The following TANK variants were observed in gnomAD, a reference collection of about 807,000 sequenced individuals.
The protein encoded by TANK is TRAF family member-associated NF-kappa-B activator.
Under a neutral mutation model 43.6 loss-of-function variants are expected in TANK, and 15 were observed. That is an observed-to-expected ratio of 0.34 (90% CI 0.23 to 0.53). The LOEUF (loss-of-function observed/expected upper bound fraction) is 0.53, where lower values mean the gene tolerates loss of function less well. TANK is among the 20% of genes least tolerant of loss of function. The probability of loss-of-function intolerance (pLI) is 0.94; values close to 1 mark genes in which losing one functional copy is unlikely to be tolerated. For synonymous variants in TANK, 162 were observed against 178.2 expected (o/e 0.91, Z 0.73); for missense variants, 417 against 498.6 (o/e 0.84, Z 1.56).
At chr2:161,153,880 T>C (rs541098192) in intron 1 of TANK, among the ~76,000 whole-genome samples, 7 of 152,112 alleles carry the variant, frequency 4.6e-5, no homozygotes, top group Non-Finnish European at 1.0e-4. Flanking sequence ...TAAAGTCATA[T>C]GATTAGTAAA....
chr2:161,217,037 A>G (rs1687146494), intron 4 of TANK, among the ~76,000 whole-genome samples: 1 of 152,226 alleles, frequency 6.6e-6, no homozygotes, highest in Admixed American at 6.5e-5. Flanking sequence ...TGAAGTGCCC[A>G]GGAGTGCATT....
intron 1 of TANK, among the ~76,000 whole-genome samples, chr2:161,168,044 A>G (rs184190574): frequency 1.7e-4 from 26 of 152,180 alleles, no homozygotes; most frequent in Non-Finnish European, 2.6e-4. Flanking sequence ...GTTGAACTAT[A>G]GGGCATGAGT....
chr2:161,203,612 T>C lies in TANK; in HGVS notation c.208+17T>C, dbSNP rs1238352173. ...CCACTCAAGGTATGTTCATGTTAATTTTTTATGTATTTCTAGAACCTCTTG... is the reference window on the plus strand; with the variant it reads ...CCACTCAAGGTATGTTCATGTTAATCTTTTATGTATTTCTAGAACCTCTTG... On this transcript the variant is annotated intron_variant, in intron 3 of 7. Transcript: ENST00000392749. 1 of 1,517,244 alleles carries C rather than the reference T, an allele frequency of 6.6e-7. No homozygotes were observed. Among genetic ancestry groups the C allele is most frequent in the Non-Finnish European group, 9.1e-7 (1 of 1,103,460 alleles). 94.0% of individuals were successfully genotyped at this position (1,517,244 alleles called of 1,614,324 possible).
intron 1 of TANK, among the ~76,000 whole-genome samples, chr2:161,154,843 C>G (rs1684180863): frequency 6.6e-6 from 1 of 151,684 alleles, no homozygotes; most frequent in Non-Finnish European, 1.5e-5. Context: ...CTCCCAGGTG[C>G]AAATGATTCT....
intron 2 of TANK, among the ~76,000 whole-genome samples, chr2:161,183,784 T>C (rs938937462): frequency 3.9e-5 from 6 of 151,984 alleles, no homozygotes; most frequent in African/African-American, 1.2e-4. Context: ...TCCTAAGTAC[T>C]GGGCCCTTCA....
chr2:161,173,533 T>G (rs1428345191), intron 1 of TANK, among the ~76,000 whole-genome samples: 3 of 152,118 alleles, frequency 2.0e-5, no homozygotes, highest in Non-Finnish European at 4.4e-5. Flanking sequence ...TCTTTTTAGG[T>G]AGAACTGTGA....
chr2:161,185,339 CAGTTA>C (rs1661980111), intron 2 of TANK, among the ~76,000 whole-genome samples: 1 of 151,776 alleles, frequency 6.6e-6, no homozygotes, highest in African/African-American at 2.4e-5. Context: ...TTTATGAAGG[CAGTTA>C]AGTTGAGTGG....
intron 1 of TANK, among the ~76,000 whole-genome samples, chr2:161,152,605 G>C (rs768066660): frequency 4.6e-5 from 7 of 152,074 alleles, no homozygotes; most frequent in Non-Finnish European, 8.8e-5. Flanking sequence ...CTCAAAAATT[G>C]AGAGTATCTG....
intron 2 of TANK, among the ~76,000 whole-genome samples, chr2:161,201,533 G>A (rs184975863): frequency 6.6e-6 from 1 of 152,240 alleles, no homozygotes; most frequent in East Asian, 1.9e-4. Context: ...ACAGTATAAT[G>A]TATATACCTA....
chr2:161,212,259 C>G, intron 4 of TANK: 1 of 501,994 alleles, frequency 2.0e-6, no homozygotes, highest in Non-Finnish European at 2.6e-6. Flanking sequence ...CGGGGTTTCA[C>G]TATGTTGGCC....
intron 4 of TANK, among the ~76,000 whole-genome samples, chr2:161,206,873 C>A (rs746981030): frequency 6.6e-6 from 1 of 152,058 alleles, no homozygotes. Context: ...CATTACTTAA[C>A]TGCAAATTTA....
At chr2:161,154,087 G>C (rs1348687797) in intron 1 of TANK, among the ~76,000 whole-genome samples, 1 of 152,118 alleles carries the variant, frequency 6.6e-6, no homozygotes, top group East Asian at 1.9e-4. Context: ...TATGTATCTT[G>C]AAATTTCAAG....
intron 2 of TANK, among the ~76,000 whole-genome samples, chr2:161,202,638 C>T (rs1205876016): frequency 2.6e-5 from 4 of 151,972 alleles, no homozygotes; most frequent in African/African-American, 4.8e-5. Flanking sequence ...ACTTCATTTT[C>T]ATTTTATATT....
chr2:161,212,913 T>C (rs912517740), intron 4 of TANK: 15 of 473,764 alleles, frequency 3.2e-5, no homozygotes, highest in African/African-American at 1.3e-4. Flanking sequence ...GATTTTGATA[T>C]CTGTAAAAGT....
intron 6 of TANK, among the ~76,000 whole-genome samples, chr2:161,225,262 A>G (rs1687554581): frequency 6.6e-6 from 1 of 151,750 alleles, no homozygotes; most frequent in South Asian, 2.1e-4. Flanking sequence ...GAATCTTGCT[A>G]TGTTGCCCAG....
chr2:161,187,902 A>G (rs994617177), intron 2 of TANK, among the ~76,000 whole-genome samples: 4 of 152,236 alleles, frequency 2.6e-5, no homozygotes, highest in Non-Finnish European at 5.9e-5. Context: ...CAGCAAAAGA[A>G]AAAGTGGGAA....
intron 2 of TANK, among the ~76,000 whole-genome samples, chr2:161,191,151 C>T (rs1685897307): frequency 6.6e-6 from 1 of 152,158 alleles, no homozygotes; most frequent in Admixed American, 6.5e-5. Context: ...AGTCAGTATG[C>T]TGTATCCATT....
chr2:161,161,151 C>CA (rs1233102717), intron 1 of TANK: 4 of 1,409,928 alleles, frequency 2.8e-6, no homozygotes, highest in Non-Finnish European at 3.7e-6. Context: ...GAGTTACAGG[C>CA]AAAAAAGCTG....
At chr2:161,160,737 G>C (rs550317068) in intron 1 of TANK, 53 of 546,652 alleles carry the variant, frequency 9.7e-5, no homozygotes, top group African/African-American at 7.9e-4. Context: ...TAGCATCGTC[G>C]GCCTCTGCCC....
Sources: allele counts gnomAD v4.1 joint callset (sites outside exome capture counted in the v4.1 genomes callset), GRCh38; gene constraint gnomAD v4.1.1; transcripts MANE v1.5; gene names NCBI Gene and HGNC (gene_info 2026-07-23, HGNC 2026-07-21).